The following GOLGA7B variants were observed in gnomAD, a reference collection of about 807,000 sequenced individuals.
The protein encoded by GOLGA7B is golgin A7 family member B.
In GOLGA7B, 17 loss-of-function variants were observed where a neutral mutation model predicts 21.5. That is an observed-to-expected ratio of 0.79 (90% CI 0.54 to 1.19). The LOEUF (loss-of-function observed/expected upper bound fraction) is 1.19. Ranked by LOEUF, GOLGA7B falls within the 50% of genes most tolerant of loss-of-function variation. The probability of loss-of-function intolerance (pLI) is 0.00; values close to 1 mark genes in which losing one functional copy is unlikely to be tolerated. For missense variants in GOLGA7B, 169 were observed against 224.4 expected, an observed-to-expected ratio of 0.75 and a Z score of 1.58; for synonymous variants, 87 against 84.0, an observed-to-expected ratio of 1.04 and a Z score of -0.19.
At chr10:97,852,711 TG>T (rs2049911790) in intron 1 of GOLGA7B, among the ~76,000 whole-genome samples, 1 of 121,676 alleles carries the variant, frequency 8.2e-6, no homozygotes, top group African/African-American at 3.2e-5. Flanking sequence ...AGGAAGGGGG[TG>T]GGGAGAGGGA....
intron 1 of GOLGA7B, among the ~76,000 whole-genome samples, chr10:97,851,203 T>G (rs972713509): frequency 4.6e-5 from 7 of 152,150 alleles, no homozygotes; most frequent in Non-Finnish European, 7.3e-5. Context: ...TGCCTTTGAA[T>G]TTTTGGAGCG....
chr10:97,850,942 T>C (rs930439426), intron 1 of GOLGA7B, among the ~76,000 whole-genome samples: 2 of 151,496 alleles, frequency 1.3e-5, no homozygotes. Flanking sequence ...GGTGCACTGA[T>C]AGGTGTGTCA....
At chr10:97,854,410 C>T (rs144263976) in intron 1 of GOLGA7B, among the ~76,000 whole-genome samples, 93 of 152,326 alleles carry the variant, frequency 6.1e-4, no homozygotes, top group African/African-American at 2.2e-3. Flanking sequence ...ACTCAAGCCA[C>T]CATGAATGGA....
Position 97,867,347 on chromosome 10 carries a change from G to A in GOLGA7B, c.*1647G>A, listed in dbSNP as rs1044831456. On this transcript the variant is annotated 3_prime_UTR_variant, in exon 5 of 5. Transcript: ENST00000370602. ...GTGTCCCGAAGATGAAATGAAGGGG[G>A]CTGCCTATCTCAGTTGGCGGGAGGT... 1.3e-5 allele frequency: 2 copies of A among 152,280 alleles called. No homozygotes were observed. The highest frequency in any genetic ancestry group is 4.1e-4 in the South Asian group (2 of 4,836). The allele number at this position is 152,280 out of a possible 1,614,324, so 9.4% of individuals were successfully genotyped here.
At chr10:97,863,473 C>G (rs2049984846) in intron 2 of GOLGA7B, among the ~76,000 whole-genome samples, 1 of 152,184 alleles carries the variant, frequency 6.6e-6, no homozygotes, top group Non-Finnish European at 1.5e-5. Flanking sequence ...GAAGCAGTCT[C>G]ATGCAGTCCC....
At chr10:97,861,516 C>T (rs2136516934) in intron 2 of GOLGA7B, among the ~76,000 whole-genome samples, 1 of 152,372 alleles carries the variant, frequency 6.6e-6, no homozygotes, top group South Asian at 2.1e-4. Flanking sequence ...CCTACAGCCT[C>T]TGCCTCTAGA....
chr10:97,869,459 C>G lies in GOLGA7B; in HGVS notation c.*3759C>G, dbSNP rs898350977. 6.5e-6 allele frequency: 1 copy of G among 152,748 alleles called. No homozygotes were observed. The highest frequency in any genetic ancestry group is 1.5e-5 in the Non-Finnish European group (1 of 68,448). The allele number at this position is 152,748 out of a possible 1,614,324, so 9.5% of individuals were successfully genotyped here. On this transcript the variant is annotated 3_prime_UTR_variant, in exon 5 of 5. Transcript: ENST00000370602. ...AGGAGCAGCTCCAGCCTCAGCCAGA[C>G]TGTCCCCGAGGTCCCAAGTGAGGCC...
chr10:97,859,674 C>T, intron 2 of GOLGA7B, 91 bp downstream of exon 2: 1 of 1,310,742 alleles, frequency 7.6e-7, no homozygotes, highest in South Asian at 1.4e-5. Flanking sequence ...TCCTATGACA[C>T]ATAATATCAT....
chr10:97,858,127 C>T (rs768108737), intron 1 of GOLGA7B, among the ~76,000 whole-genome samples: 19 of 152,166 alleles, frequency 1.2e-4, no homozygotes, highest in Non-Finnish European at 2.6e-4. Flanking sequence ...TCCTCCCTCT[C>T]CACACTCTCT....
chr10:97,865,828 GGGA>G lies in GOLGA7B; in HGVS notation c.*131_*133del. Reference sequence around the variant, plus strand: ...GCTCACCCTGCTGCCCGGGGTGGGAGGGAGGGTGACGGGCCTCATATTTCCTGT... The same window carrying G: ...GCTCACCCTGCTGCCCGGGGTGGGAGGGGTGACGGGCCTCATATTTCCTGT... On this transcript the variant is annotated 3_prime_UTR_variant, in exon 5 of 5. Coordinates refer to ENST00000370602, the MANE Select transcript of GOLGA7B (RefSeq NM_001010917.3). 8 of 1,200,244 alleles carry G rather than the reference GGGA, an allele frequency of 6.7e-6. No homozygotes were observed. The East Asian group carries it at 8.8e-5, about 13-fold the overall frequency. 74.3% of individuals were successfully genotyped at this position (1,200,244 alleles called of 1,614,324 possible). A position where few individuals can be genotyped will look rare whatever the true frequency, so the allele number is the denominator to read the frequency against.
chr10:97,871,528 T>C lies in GOLGA7B; in HGVS notation c.*5828T>C, dbSNP rs904161824. 1 of 152,248 alleles carries C rather than the reference T, an allele frequency of 6.6e-6. No individual in the cohort carries two copies. The highest frequency in any genetic ancestry group is 2.4e-5 in the African/African-American group (1 of 41,464). The allele number at this position is 152,248 out of a possible 1,614,324, so 9.4% of individuals were successfully genotyped here. Reference sequence around the variant, plus strand: ...GATTCTGGCATAGAATAAACAGATATTTATCCAAGGGTTCACTGATTCCCG... The same window carrying C: ...GATTCTGGCATAGAATAAACAGATACTTATCCAAGGGTTCACTGATTCCCG... On this transcript the variant is annotated 3_prime_UTR_variant, in exon 5 of 5. Coordinates refer to ENST00000370602, the MANE Select transcript of GOLGA7B (RefSeq NM_001010917.3).
intron 1 of GOLGA7B, among the ~76,000 whole-genome samples, chr10:97,856,359 A>G (rs1419175392): frequency 6.6e-6 from 1 of 152,178 alleles, no homozygotes; most frequent in Non-Finnish European, 1.5e-5. Context: ...AAGTTAGTTC[A>G]CTAAGGATAA....
At chr10:97,861,271 G>A (rs950718736) in intron 2 of GOLGA7B, among the ~76,000 whole-genome samples, 5 of 152,216 alleles carry the variant, frequency 3.3e-5, no homozygotes, top group Admixed American at 6.5e-5. Context: ...TAAGTGCCCC[G>A]CCTCTCTGCT....
At chr10:97,851,788 G>A (rs988262047) in intron 1 of GOLGA7B, among the ~76,000 whole-genome samples, 3 of 152,218 alleles carry the variant, frequency 2.0e-5, no homozygotes, top group Non-Finnish European at 4.4e-5. Context: ...TCTGTCCCAG[G>A]ATGTCTGCCA....
intron 1 of GOLGA7B, among the ~76,000 whole-genome samples, chr10:97,854,827 G>T (rs2049925156): frequency 1.3e-5 from 2 of 152,204 alleles, no homozygotes; most frequent in Admixed American, 1.3e-4. Flanking sequence ...CCAGGTAAGT[G>T]TTCCTGATCA....
In GOLGA7B at chr10:97,870,427, A is replaced by G. The variant is rs575777330; in HGVS notation, c.*4727A>G. On this transcript the variant is annotated 3_prime_UTR_variant, in exon 5 of 5. Transcript: ENST00000370602. ...AACTCGCCTTTGATTGGGAGTCAGG[A>G]TCAAGATTACCCTGGGTCGGGGGTA... The G allele has an allele frequency of 6.6e-6, 1 of 152,272 alleles. No individual in the cohort carries two copies. Among genetic ancestry groups the G allele is most frequent in the South Asian group, 2.1e-4 (1 of 4,818 alleles). 9.4% of individuals were successfully genotyped at this position (152,272 alleles called of 1,614,324 possible).
rs1044751933 is a variant in GOLGA7B, at chr10:97,868,743, T to C, written c.*3043T>C. On this transcript the variant is annotated 3_prime_UTR_variant, in exon 5 of 5. Coordinates refer to ENST00000370602, the MANE Select transcript of GOLGA7B (RefSeq NM_001010917.3). The stretch of plus-strand genomic sequence containing the variant: ...GATTTGAATCCAAACTCAGCTCTTC[T>C]AGAGATGAGGTCCTGGGGAGGGGGT... 6.6e-5 allele frequency: 10 copies of C among 152,154 alleles called. No individual in the cohort carries two copies. Among genetic ancestry groups the C allele is most frequent in the African/African-American group, 2.4e-4 (10 of 41,446 alleles). The allele number at this position is 152,154 out of a possible 1,614,324, so 9.4% of individuals were successfully genotyped here.
Position 97,867,491 on chromosome 10 carries a change from A to G in GOLGA7B, c.*1791A>G, listed in dbSNP as rs1042294663. On this transcript the variant is annotated 3_prime_UTR_variant, in exon 5 of 5. Transcript: ENST00000370602. ...GGATACAAGGGCCTACCCAGAGACCAGAGAGAGTCAGCCTAGTCCTTGCAG... is the reference window on the plus strand; with the variant it reads ...GGATACAAGGGCCTACCCAGAGACCGGAGAGAGTCAGCCTAGTCCTTGCAG... The G allele has an allele frequency of 6.6e-6, 1 of 152,274 alleles. No homozygotes were observed. Among genetic ancestry groups the G allele is most frequent in the Non-Finnish European group, 1.5e-5 (1 of 68,082 alleles). 9.4% of individuals were successfully genotyped at this position (152,274 alleles called of 1,614,324 possible). A position where few individuals can be genotyped will look rare whatever the true frequency, so the allele number is the denominator to read the frequency against.
At chr10:97,853,354 CA>C (rs966423495) in intron 1 of GOLGA7B, among the ~76,000 whole-genome samples, 76 of 152,300 alleles carry the variant, frequency 5.0e-4, no homozygotes, top group African/African-American at 1.7e-3. Flanking sequence ...AAGATGGCGC[CA>C]GGGGGGCACT....
Sources: allele counts gnomAD v4.1 joint callset (sites outside exome capture counted in the v4.1 genomes callset), GRCh38; gene constraint gnomAD v4.1.1; transcripts MANE v1.5; gene names NCBI Gene and HGNC (gene_info 2026-07-23, HGNC 2026-07-21).